The following NBPF9 variants were observed in gnomAD, a reference collection of about 807,000 sequenced individuals.
NBPF9 encodes NBPF family member NBPF9.
NBPF9 carries 91 observed loss-of-function variants against 97.8 expected under a neutral mutation model. The observed-to-expected ratio is 0.93, with a 90% CI of 0.79 to 1.11. The LOEUF (loss-of-function observed/expected upper bound fraction) is 1.11. Among genes scored for constraint, NBPF9 ranks in the 50% least tolerant of loss-of-function variants. NBPF9 has a pLI of 0.00. For missense variants in NBPF9, 992 were observed against 939.5 expected, an observed-to-expected ratio of 1.06 and a Z score of -0.73; for synonymous variants, 334 against 359.5, an observed-to-expected ratio of 0.93 and a Z score of 0.80.
intron 14 of NBPF9, among the ~76,000 whole-genome samples, chr1:149,072,392 C>G (rs1199257697): frequency 6.6e-6 from 1 of 152,150 alleles, no homozygotes; most frequent in Non-Finnish European, 1.5e-5. Context: ...GCCTGGGAAC[C>G]TTCATTCTTA....
At chr1:149,071,448 G>C (rs868943515) in intron 15 of NBPF9, among the ~76,000 whole-genome samples, 156 bp downstream of exon 15, 12 of 148,232 alleles carry the variant, frequency 8.1e-5, no homozygotes, top group Non-Finnish European at 1.2e-4. Flanking sequence ...AAACATGACA[G>C]CTGCCGCACC....
chr1:149,089,572 G>A (rs1221991165), intron 5 of NBPF9, among the ~76,000 whole-genome samples: 1 of 152,298 alleles, frequency 6.6e-6, no homozygotes, highest in African/African-American at 2.4e-5. Context: ...TGAGTGGAGA[G>A]TGGATCTGTG....
rs587714787 is a variant in NBPF9 at position 149,071,463 on chromosome 1, G to A, written c.1379+141C>T. On this transcript the variant is annotated intron_variant, in intron 15 of 29. Coordinates refer to ENST00000584027, the Ensembl canonical transcript of NBPF9. Reference sequence around the variant, plus strand: ...AAACATGACAGCTGCCGCACCCTGTGTCTAAGCTGGGTTCAATTTCACATA... The same window carrying A: ...AAACATGACAGCTGCCGCACCCTGTATCTAAGCTGGGTTCAATTTCACATA... 343 of 1,146,456 alleles carry A rather than the reference G, an allele frequency of 3.0e-4. 6 individuals carry two copies. Among genetic ancestry groups the A allele is most frequent in the Middle Eastern group, 1.1e-3 (4 of 3,498 alleles). 71.0% of individuals were successfully genotyped at this position (1,146,456 alleles called of 1,614,324 possible).
Position 149,062,854 on chromosome 1 carries a change from A to C in NBPF9, c.2078+8T>G. On this transcript the variant is annotated splice_region_variant and intron_variant, in intron 21 of 29. Coordinates refer to ENST00000584027, the Ensembl canonical transcript of NBPF9. Reference sequence around the variant, plus strand: ...CAGAATTAAGCATCCATAATTGCTCAAAGTTACCTGGGGCATGATGGGTCT... The same window carrying C: ...CAGAATTAAGCATCCATAATTGCTCCAAGTTACCTGGGGCATGATGGGTCT... 1.5e-6 allele frequency: 1 copy of C among 669,540 alleles called. No homozygotes were observed. Among genetic ancestry groups the C allele is most frequent in the South Asian group, 1.7e-5 (1 of 59,562 alleles). The allele number at this position is 669,540 out of a possible 1,614,324, so 41.5% of individuals were successfully genotyped here.
At chr1:149,085,260 AAATC>A (rs1336723479) in intron 5 of NBPF9, among the ~76,000 whole-genome samples, 3 of 152,188 alleles carry the variant, frequency 2.0e-5, no homozygotes, top group African/African-American at 4.8e-5. Flanking sequence ...TACTAAAAAA[AAATC>A]AATAACTGTA....
intron 19 of NBPF9, among the ~76,000 whole-genome samples, chr1:149,064,174 C>T (rs1384537219): frequency 1.4e-5 from 2 of 139,512 alleles, no homozygotes; most frequent in Non-Finnish European, 3.0e-5. Flanking sequence ...AAAATGTGCT[C>T]AAGTTTCCCT....
intron 2 of NBPF9, among the ~76,000 whole-genome samples, chr1:149,101,936 T>C (rs1223847726): frequency 7.0e-6 from 1 of 141,932 alleles, no homozygotes; most frequent in Non-Finnish European, 1.5e-5. Flanking sequence ...TTTTTTTTTT[T>C]TTTTTTTTTG....
At chr1:149,097,504 C>T (rs1553662091) in intron 4 of NBPF9, among the ~76,000 whole-genome samples, 2 of 152,232 alleles carry the variant, frequency 1.3e-5, no homozygotes, top group Non-Finnish European at 2.9e-5. Flanking sequence ...TCCTTGTCCA[C>T]TCCAGAAGCT....
intron 26 of NBPF9, 102 bp downstream of exon 26, chr1:149,058,823 C>A (rs2078410348): frequency 5.6e-6 from 4 of 715,486 alleles, no homozygotes; most frequent in South Asian, 4.4e-5. Flanking sequence ...CTGCCTGTGG[C>A]AATGACATCT....
At chr1:149,089,049 G>C (rs2081234756) in intron 5 of NBPF9, among the ~76,000 whole-genome samples, 1 of 151,498 alleles carries the variant, frequency 6.6e-6, no homozygotes, top group Non-Finnish European at 1.5e-5. Flanking sequence ...TGCCTCTCAA[G>C]GAAATCCCTC....
At chr1:149,071,422 C>T (rs1274856448) in intron 15 of NBPF9, among the ~76,000 whole-genome samples, 182 bp downstream of exon 15, 1 of 148,348 alleles carries the variant, frequency 6.7e-6, no homozygotes, top group Admixed American at 6.6e-5. Flanking sequence ...AGACATGACA[C>T]TCGGCACACA....
intron 4 of NBPF9, among the ~76,000 whole-genome samples, chr1:149,097,736 C>A (rs1233170714): frequency 2.0e-5 from 3 of 152,080 alleles, no homozygotes; most frequent in African/African-American, 7.3e-5. Flanking sequence ...GTTATGGGGT[C>A]TCTAGCCCAG....
Position 149,062,663 on chromosome 1 carries a change from C to T in NBPF9, c.2078+199G>A, listed in dbSNP as rs587656642. Among the ~76,000 whole-genome samples, 28 of 149,304 alleles carry T rather than the reference C, an allele frequency of 1.9e-4. No individual in the cohort carries two copies. In the East Asian group the frequency reaches 5.3e-3, roughly 29 times the overall value. Reference sequence around the variant, plus strand: ...ATACAGCCTTTGAGGTATGGTCAACCTATAGTAAGTTAGTAAATGATAAGG... The same window carrying T: ...ATACAGCCTTTGAGGTATGGTCAACTTATAGTAAGTTAGTAAATGATAAGG... On this transcript the variant is annotated intron_variant, in intron 21 of 29. Transcript: ENST00000584027.
chr1:149,074,595 G>A (rs1553653843), intron 12 of NBPF9, among the ~76,000 whole-genome samples: 1 of 151,402 alleles, frequency 6.6e-6, no homozygotes, highest in South Asian at 2.1e-4. Flanking sequence ...CCTCTGAACA[G>A]GTGAGGTAAC....
At chr1:149,098,527 G>C in exon 4 of NBPF9, 1 of 1,505,112 alleles carries the variant, frequency 6.6e-7, no homozygotes, top group Non-Finnish European at 8.9e-7. Flanking sequence ...TCAGTACCTC[G>C]GAGAGTCCAC....
chr1:149,080,878 G>T (rs1469000799), intron 7 of NBPF9, among the ~76,000 whole-genome samples: 5 of 151,468 alleles, frequency 3.3e-5, no homozygotes, highest in East Asian at 1.9e-4. Context: ...AATTTACAGA[G>T]GTAGGTATTA....
intron 9 of NBPF9, among the ~76,000 whole-genome samples, chr1:149,078,787 C>T (rs1281784894): frequency 7.0e-6 from 1 of 142,326 alleles, no homozygotes; most frequent in Non-Finnish European, 1.5e-5. Flanking sequence ...CTCCAAAGAC[C>T]ACCTTCCATC....
intron 4 of NBPF9, among the ~76,000 whole-genome samples, chr1:149,095,754 A>T (rs1285609629): frequency 6.6e-6 from 1 of 152,122 alleles, no homozygotes; most frequent in Non-Finnish European, 1.5e-5. Flanking sequence ...ACAACGAGAT[A>T]TCACTGTAAA....
intron 16 of NBPF9, among the ~76,000 whole-genome samples, chr1:149,070,556 A>T (rs1553652681): frequency 6.6e-6 from 1 of 150,456 alleles, no homozygotes; most frequent in African/African-American, 2.4e-5. Flanking sequence ...GATATTTCCA[A>T]AAACAAAGGC....
Sources: gnomAD v4.1 joint callset for allele counts (sites outside exome capture counted in the v4.1 genomes callset) on GRCh38, gnomAD v4.1.1 for gene constraint, MANE v1.5 for transcripts, NCBI Gene and HGNC (gene_info 2026-07-23, HGNC 2026-07-21) for gene names.